Variants in NPAS3 observed in about 807,000 individuals in gnomAD.
NPAS3 encodes neuronal PAS domain-containing protein 3.
A neutral mutation model predicts 73.1 loss-of-function variants in NPAS3; 14 were observed. The observed-to-expected ratio is 0.19, with a 90% CI of 0.13 to 0.30. The LOEUF (loss-of-function observed/expected upper bound fraction) is 0.30, where lower values mean the gene tolerates loss of function less well. NPAS3 is among the 10% of genes least tolerant of loss of function. The pLI, the probability that NPAS3 is intolerant of heterozygous loss-of-function variation, is 1.00. For missense variants in NPAS3, 1,096 were observed against 1,250.0 expected (o/e 0.88, Z 1.86); for synonymous variants, 620 against 541.5 (o/e 1.14, Z -2.01).
intron 1 of NPAS3, among the ~76,000 whole-genome samples, chr14:32,974,847 T>C (rs1177036787): frequency 6.6e-6 from 1 of 152,124 alleles, no homozygotes; most frequent in African/African-American, 2.4e-5. Context: ...CATGGTAGCA[T>C]CCAGACTATA....
At chr14:33,625,528 A>G (rs1378408914) in intron 5 of NPAS3, among the ~76,000 whole-genome samples, 1 of 152,214 alleles carries the variant, frequency 6.6e-6, no homozygotes, top group African/African-American at 2.4e-5. Flanking sequence ...GTTTTTGGTG[A>G]ACAACTATAT....
chr14:33,612,161 G>C (rs539710774), intron 5 of NPAS3, among the ~76,000 whole-genome samples: 3 of 152,254 alleles, frequency 2.0e-5, no homozygotes, highest in African/African-American at 7.2e-5. Context: ...AATCTAGGAG[G>C]CTGGCAGGGA....
intron 4 of NPAS3, among the ~76,000 whole-genome samples, chr14:33,537,989 C>G (rs1467510975): frequency 1.3e-5 from 2 of 152,198 alleles, no homozygotes; most frequent in African/African-American, 2.4e-5. Flanking sequence ...GAGCTTTAGT[C>G]TTCCCTGCCC....
chr14:33,599,372 T>G (rs2057336206), intron 5 of NPAS3, among the ~76,000 whole-genome samples: 1 of 152,202 alleles, frequency 6.6e-6, no homozygotes, highest in Admixed American at 6.5e-5. Context: ...GGAAGTCGTA[T>G]TTTATGCCTA....
At chr14:33,476,962 G>A (rs2051063790) in intron 4 of NPAS3, among the ~76,000 whole-genome samples, 1 of 152,088 alleles carries the variant, frequency 6.6e-6, no homozygotes, top group Non-Finnish European at 1.5e-5. Flanking sequence ...ATCTTAAGAG[G>A]CAGGGACTTC....
At chr14:33,046,001 C>A (rs1216004843) in intron 1 of NPAS3, among the ~76,000 whole-genome samples, 1 of 152,050 alleles carries the variant, frequency 6.6e-6, no homozygotes, top group African/African-American at 2.4e-5. Flanking sequence ...AAAGCAGAAC[C>A]TCGACTAGAG....
At position 33,132,441 on chromosome 14, in the gene NPAS3, A is replaced by T. The variant is rs144028527; in HGVS notation, c.140+76447A>T. ...AGAAGTCTTATATTTTAAACCATAC[A>T]TACCTGTTCACTTAATGAGAAAATA... On this transcript the variant is annotated intron_variant, in intron 2 of 11. Coordinates refer to ENST00000356141, the Ensembl canonical transcript of NPAS3. Among the ~76,000 whole-genome samples the T allele has an allele frequency of 3.3e-3, 508 of 152,258 alleles. 3 individuals carry two copies. The highest frequency in any genetic ancestry group is 5.8e-3 in the Non-Finnish European group (392 of 68,008).
intron 4 of NPAS3, among the ~76,000 whole-genome samples, chr14:33,428,775 G>C (rs1340454736): frequency 6.6e-6 from 1 of 152,054 alleles, no homozygotes; most frequent in African/African-American, 2.4e-5. Flanking sequence ...TGAGTACTAT[G>C]ATTGTCATTG....
At chr14:33,678,251 G>C (rs2059824529) in intron 6 of NPAS3, among the ~76,000 whole-genome samples, 1 of 152,146 alleles carries the variant, frequency 6.6e-6, no homozygotes, top group Non-Finnish European at 1.5e-5. Context: ...CCCTTGTTGA[G>C]TAGTTCTCGT....
chr14:33,083,222 CTTTG>C (rs2041919468), intron 2 of NPAS3, among the ~76,000 whole-genome samples: 1 of 2,404 alleles, frequency 4.2e-4, no homozygotes, highest in Non-Finnish European at 8.6e-4. Context: ...AAAGAAGGGA[CTTTG>C]CCTTTGCCTC....
At chr14:33,112,948 G>C (rs1045670313) in intron 2 of NPAS3, among the ~76,000 whole-genome samples, 2 of 152,024 alleles carry the variant, frequency 1.3e-5, no homozygotes, top group African/African-American at 2.4e-5. Flanking sequence ...TTTTGTTTTT[G>C]TCAGGTTTGT....
At chr14:33,603,870 A>T (rs1179492119) in intron 5 of NPAS3, among the ~76,000 whole-genome samples, 1 of 152,158 alleles carries the variant, frequency 6.6e-6, no homozygotes, top group Non-Finnish European at 1.5e-5. Context: ...TAAAAGTAAA[A>T]TGCATGATGA....
intron 6 of NPAS3, among the ~76,000 whole-genome samples, chr14:33,697,546 A>T (rs866452662): frequency 6.6e-5 from 10 of 152,338 alleles, no homozygotes; most frequent in Middle Eastern, 3.4e-3. Context: ...CTTTACTAAC[A>T]TGCCAGTTAA....
chr14:33,086,886 A>C (rs2042042392), intron 2 of NPAS3, among the ~76,000 whole-genome samples: 1 of 151,980 alleles, frequency 6.6e-6, no homozygotes, highest in African/African-American at 2.4e-5. Context: ...CATGCATTGC[A>C]CAAGATTCTG....
At chr14:33,344,675 T>G (rs963335864) in intron 3 of NPAS3, among the ~76,000 whole-genome samples, 2 of 152,228 alleles carry the variant, frequency 1.3e-5, no homozygotes, top group Non-Finnish European at 2.9e-5. Flanking sequence ...GAGTTGAAAT[T>G]TAACATTTGA....
chr14:33,629,197 T>C (rs927228130), intron 5 of NPAS3, among the ~76,000 whole-genome samples: 1 of 144,866 alleles, frequency 6.9e-6, no homozygotes, highest in African/African-American at 2.6e-5. Context: ...ATTGCGCCAC[T>C]GCACTCCAGC....
chr14:32,964,124 G>A (rs1403388620), intron 1 of NPAS3, among the ~76,000 whole-genome samples: 1 of 109,960 alleles, frequency 9.1e-6, no homozygotes, highest in African/African-American at 3.5e-5. Context: ...AACTGGGAAA[G>A]TTTCTTCAGC....
intron 3 of NPAS3, among the ~76,000 whole-genome samples, chr14:33,271,175 C>G (rs530779455): frequency 6.6e-6 from 1 of 152,120 alleles, no homozygotes; most frequent in Non-Finnish European, 1.5e-5. Flanking sequence ...AATGGGGAAA[C>G]CCAGCAAGGC....
intron 1 of NPAS3, among the ~76,000 whole-genome samples, chr14:33,034,919 G>T (rs1335216164): frequency 1.3e-5 from 2 of 152,118 alleles, no homozygotes; most frequent in African/African-American, 4.8e-5. Flanking sequence ...GAAAAGTTGT[G>T]TTAAGACAAC....
Sources: allele counts gnomAD v4.1 joint callset (sites outside exome capture counted in the v4.1 genomes callset), GRCh38; gene constraint gnomAD v4.1.1; transcripts MANE v1.5; gene names NCBI Gene and HGNC (gene_info 2026-07-23, HGNC 2026-07-21).